Variants in SLC26A7 observed in about 807,000 individuals in gnomAD.
SLC26A7 encodes solute carrier family 26 member 7, also known as anion exchange transporter.
A neutral mutation model predicts 82.5 loss-of-function variants in SLC26A7; 59 were observed. The observed-to-expected ratio is 0.72, with a 90% confidence interval of 0.58 to 0.89. The LOEUF (loss-of-function observed/expected upper bound fraction) is 0.89. SLC26A7 is among the 40% of genes least tolerant of loss of function. SLC26A7 has a pLI of 0.00. For missense variants in SLC26A7, 820 were observed against 793.0 expected, an observed-to-expected ratio of 1.03 and a Z score of -0.41; for synonymous variants, 271 against 274.3, an observed-to-expected ratio of 0.99 and a Z score of 0.12.
At chr8:91,213,790 G>A (rs987718558) in intron 1 of SLC26A7, among the ~76,000 whole-genome samples, 1 of 152,106 alleles carries the variant, frequency 6.6e-6, no homozygotes, top group Non-Finnish European at 1.5e-5. Flanking sequence ...TAAACAGAAT[G>A]TTTTAGGAGA....
intron 2 of SLC26A7, among the ~76,000 whole-genome samples, chr8:91,236,071 C>A (rs892353045): frequency 6.6e-6 from 1 of 152,308 alleles, no homozygotes; most frequent in East Asian, 1.9e-4. Flanking sequence ...AATAATGTAT[C>A]TGGAACAGAC....
chr8:91,302,818 CTTT>C (rs11333572), intron 4 of SLC26A7, among the ~76,000 whole-genome samples: 17 of 129,588 alleles, frequency 1.3e-4, no homozygotes, highest in Admixed American at 2.3e-4. Flanking sequence ...TTCCCCTTCT[CTTT>C]TTTTTTTTTT....
At position 91,249,776 on chromosome 8, in the gene SLC26A7, A is replaced by G. The variant is rs764239991; in HGVS notation, c.125A>G (p.Asn42Ser). The change falls in exon 2 of 19, where the codon AAT becomes AGT. Residue 42 changes from asparagine (N) to serine (S), a missense_variant. Transcript: ENST00000276609. ...ATTTTGGATTGGGCACCACATTACA[A>G]TCTGAAAGAAAACTTGCTTCCAGAC... ...LPILDWAPHY[N>S]LKENLLPDTV... The G allele has an allele frequency of 1.2e-5, 20 of 1,612,506 alleles. No homozygotes were observed. The highest frequency in any genetic ancestry group is 1.7e-5 in the Non-Finnish European group (20 of 1,179,242).
chr8:91,291,570 C>T (rs751315751), intron 3 of SLC26A7, among the ~76,000 whole-genome samples: 6 of 152,220 alleles, frequency 3.9e-5, no homozygotes, highest in South Asian at 4.1e-4. Context: ...AAAGGCAAAA[C>T]AAGTTTGTCC....
chr8:91,265,099 TA>T (rs1239914563), intron 2 of SLC26A7, among the ~76,000 whole-genome samples: 2 of 152,054 alleles, frequency 1.3e-5, no homozygotes, highest in Non-Finnish European at 2.9e-5. Flanking sequence ...TTCTATGAGA[TA>T]AACCTTTTTA....
chr8:91,337,312 G>A (rs183592230), intron 6 of SLC26A7, among the ~76,000 whole-genome samples: 124 of 152,196 alleles, frequency 8.1e-4, no homozygotes, highest in African/African-American at 2.9e-3. Context: ...TTCTGGCCAT[G>A]TATATTGTAA....
chr8:91,356,040 C>T (rs1316026408), intron 11 of SLC26A7, among the ~76,000 whole-genome samples: 1 of 151,596 alleles, frequency 6.6e-6, no homozygotes, highest in Non-Finnish European at 1.5e-5. Flanking sequence ...CATCCATGTC[C>T]CTACAAAGGA....
intron 1 of SLC26A7, among the ~76,000 whole-genome samples, chr8:91,215,524 G>A (rs1023784067): frequency 2.6e-5 from 4 of 152,026 alleles, no homozygotes; most frequent in Admixed American, 1.3e-4. Context: ...TAAAAAACAC[G>A]TAGAGAATAT....
chr8:91,310,823 A>C (rs1393376466), intron 4 of SLC26A7, among the ~76,000 whole-genome samples: 1 of 150,006 alleles, frequency 6.7e-6, no homozygotes, highest in African/African-American at 2.5e-5. Context: ...CAAGACCCGG[A>C]AGCATGCCGA....
intron 4 of SLC26A7, among the ~76,000 whole-genome samples, chr8:91,315,456 C>CAAA (rs369402122): frequency 9.8e-6 from 1 of 102,564 alleles, no homozygotes; most frequent in Admixed American, 1.0e-4. Context: ...CAAGAGCTGC[C>CAAA]AAAAAAAAAA....
At chr8:91,303,332 T>G (rs1400220917) in intron 4 of SLC26A7, among the ~76,000 whole-genome samples, 3 of 152,192 alleles carry the variant, frequency 2.0e-5, no homozygotes, top group Non-Finnish European at 4.4e-5. Flanking sequence ...CCAAGAGCTT[T>G]TCCAAGAGGG....
chr8:91,212,056 C>T (rs182505458), intron 1 of SLC26A7, among the ~76,000 whole-genome samples: 1 of 152,184 alleles, frequency 6.6e-6, no homozygotes, highest in Non-Finnish European at 1.5e-5. Flanking sequence ...TTTCTAAATG[C>T]TATAGTTCTG....
chr8:91,251,530 A>G (rs1810656933), intron 2 of SLC26A7, among the ~76,000 whole-genome samples: 1 of 152,126 alleles, frequency 6.6e-6, no homozygotes, highest in Non-Finnish European at 1.5e-5. Context: ...CAATTTTCTC[A>G]AACTTTTTCA....
upstream of SLC26A7, among the ~76,000 whole-genome samples, chr8:91,245,998 A>G (rs1024266095): frequency 2.6e-4 from 39 of 152,208 alleles, no homozygotes; most frequent in Non-Finnish European, 5.1e-4. Flanking sequence ...TTATAATATT[A>G]GAAAAAATAA....
chr8:91,367,157 G>A (rs910293842), intron 14 of SLC26A7, among the ~76,000 whole-genome samples: 5 of 151,966 alleles, frequency 3.3e-5, no homozygotes, highest in African/African-American at 7.2e-5. Context: ...ACAGGTACCC[G>A]CCACCACGCT....
intron 3 of SLC26A7, among the ~76,000 whole-genome samples, chr8:91,294,987 C>T (rs1034990947): frequency 6.6e-6 from 1 of 152,028 alleles, no homozygotes; most frequent in Non-Finnish European, 1.5e-5. Context: ...GGGATTTGAG[C>T]CAGACCTTGA....
intron 4 of SLC26A7, among the ~76,000 whole-genome samples, chr8:91,303,311 T>C (rs536867921): frequency 6.6e-6 from 1 of 152,156 alleles, no homozygotes; most frequent in South Asian, 2.1e-4. Flanking sequence ...ACAATTTGCA[T>C]ATTTGTTTTT....
chr8:91,279,550 G>A (rs1811508864), intron 2 of SLC26A7, among the ~76,000 whole-genome samples: 1 of 151,970 alleles, frequency 6.6e-6, no homozygotes, highest in South Asian at 2.1e-4. Context: ...GATTAGTGTT[G>A]TTGTGTATTT....
rs182110214 is a variant in SLC26A7, at chr8:91,335,704, A to C, written c.795+1257A>C. Among the ~76,000 whole-genome samples the C allele has an allele frequency of 3.5e-3, 536 of 152,296 alleles. 2 individuals are homozygous for C. The highest frequency in any genetic ancestry group is 5.1e-3 in the Non-Finnish European group (344 of 68,026). ...ATACGTGTTATCCCTAACATTTCTA[A>C]GACCCAAGGAAAAAGTACCAATGCA... On this transcript the variant is annotated intron_variant, in intron 6 of 18. Coordinates refer to ENST00000276609, the MANE Select transcript of SLC26A7 (RefSeq NM_052832.4).
Sources: allele counts gnomAD v4.1 joint callset (sites outside exome capture counted in the v4.1 genomes callset), GRCh38; gene constraint gnomAD v4.1.1; transcripts MANE v1.5; gene names NCBI Gene and HGNC (gene_info 2026-07-23, HGNC 2026-07-21).